The following MITF variants were observed in gnomAD, a reference collection of about 807,000 sequenced individuals.
MITF encodes microphthalmia-associated transcription factor.
A neutral mutation model predicts 60.5 loss-of-function variants in MITF; 17 were observed. That is an observed-to-expected ratio of 0.28 (90% CI 0.19 to 0.42). The LOEUF (loss-of-function observed/expected upper bound fraction) is 0.42, where lower values mean the gene tolerates loss of function less well. Ranked by LOEUF, MITF falls within the 10% of genes least tolerant of loss-of-function variation. MITF has a pLI of 1.00. For missense variants in MITF, 622 were observed against 683.5 expected (o/e 0.91, Z 1.00); for synonymous variants, 260 against 248.5 (o/e 1.05, Z -0.43).
chr3:69,802,364 A>G (rs1369555053), intron 1 of MITF, among the ~76,000 whole-genome samples: 1 of 152,218 alleles, frequency 6.6e-6, no homozygotes, highest in African/African-American at 2.4e-5. Flanking sequence ...AAGGAGCAGA[A>G]TTCGAATTCT....
At chr3:69,771,708 C>T (rs2062396923) in intron 1 of MITF, among the ~76,000 whole-genome samples, 1 of 152,040 alleles carries the variant, frequency 6.6e-6, no homozygotes, top group African/African-American at 2.4e-5. Flanking sequence ...TGAAATACTT[C>T]CATGTGAAAT....
chr3:69,951,311 C>T (rs761349446), intron 6 of MITF, among the ~76,000 whole-genome samples: 71 of 151,942 alleles, frequency 4.7e-4, no homozygotes, highest in Non-Finnish European at 9.0e-4. Flanking sequence ...AACTCCTGGG[C>T]TCAAGTGATC....
At chr3:69,861,466 T>C (rs570913621) in intron 1 of MITF, among the ~76,000 whole-genome samples, 73 of 152,290 alleles carry the variant, frequency 4.8e-4, no homozygotes, top group African/African-American at 1.6e-3. Context: ...GTTTCTTCTT[T>C]AGGAAGGATG....
chr3:69,762,065 G>A (rs1442269460), intron 1 of MITF, among the ~76,000 whole-genome samples: 1 of 152,042 alleles, frequency 6.6e-6, no homozygotes, highest in African/African-American at 2.4e-5. Context: ...TTTATCTTTG[G>A]CATGCCAGAG....
At chr3:69,934,152 T>C (rs2065781639) in intron 2 of MITF, among the ~76,000 whole-genome samples, 1 of 152,130 alleles carries the variant, frequency 6.6e-6, no homozygotes, top group Admixed American at 6.6e-5. Context: ...GTTCTCAAAG[T>C]GTGATCAGAG....
intron 2 of MITF, chr3:69,937,165 A>G (rs2065857910): frequency 5.7e-6 from 1 of 174,756 alleles, no homozygotes; most frequent in South Asian, 1.4e-4. Context: ...CTTTTAAAAC[A>G]CATACGTGTA....
chr3:69,900,116 G>A (rs1003790018), intron 2 of MITF, among the ~76,000 whole-genome samples: 2 of 152,060 alleles, frequency 1.3e-5, no homozygotes, highest in African/African-American at 4.8e-5. Context: ...GGGAGGGGTG[G>A]GGAAATAATA....
chr3:69,818,373 T>C (rs2063214524), intron 1 of MITF, among the ~76,000 whole-genome samples: 1 of 152,228 alleles, frequency 6.6e-6, no homozygotes. Context: ...TGATTTCCCC[T>C]TTCCTCTTTA....
intron 1 of MITF, among the ~76,000 whole-genome samples, chr3:69,786,192 A>G (rs1369566886): frequency 1.3e-5 from 2 of 152,198 alleles, no homozygotes; most frequent in African/African-American, 2.4e-5. Context: ...GGTAGTTTCC[A>G]AAGTAAATGA....
chr3:69,823,854 G>A (rs1228735129), intron 1 of MITF, among the ~76,000 whole-genome samples: 1 of 152,144 alleles, frequency 6.6e-6, no homozygotes, highest in Non-Finnish European at 1.5e-5. Flanking sequence ...GGTAGCCTAT[G>A]ATTTCTTTTG....
intron 7 of MITF, among the ~76,000 whole-genome samples, chr3:69,953,039 T>C (rs2066295140): frequency 6.6e-6 from 1 of 152,140 alleles, no homozygotes; most frequent in African/African-American, 2.4e-5. Flanking sequence ...TTCTCTAGGT[T>C]AGAAACCGAA....
chr3:69,848,141 A>G (rs2063763429), intron 1 of MITF, among the ~76,000 whole-genome samples: 1 of 152,254 alleles, frequency 6.6e-6, no homozygotes, highest in South Asian at 2.1e-4. Flanking sequence ...TTATAACAGC[A>G]GTCTGTTGGG....
chr3:69,855,968 C>T (rs903531606), intron 1 of MITF, among the ~76,000 whole-genome samples: 2 of 152,152 alleles, frequency 1.3e-5, no homozygotes, highest in Non-Finnish European at 2.9e-5. Flanking sequence ...CCTACTTGGC[C>T]AGCTTCCCAC....
In MITF at chr3:69,841,079, T is replaced by C. The variant is rs116959342; in HGVS notation, c.105-38055T>C. 1.8e-4 allele frequency among the ~76,000 whole-genome samples: 28 copies of C among 152,284 alleles called. No individual in the cohort carries two copies. The East Asian group carries it at 5.4e-3, about 29-fold the overall frequency. On this transcript the variant is annotated intron_variant, in intron 1 of 9. Transcript: ENST00000352241. ...CCTCTAAACTGCTTTTTACTCCTAG[T>C]TGTGTGTTGCCAGTTCAGAAACTTA...
intron 1 of MITF, among the ~76,000 whole-genome samples, chr3:69,815,036 G>A (rs2063159154): frequency 6.6e-6 from 1 of 152,116 alleles, no homozygotes; most frequent in African/African-American, 2.4e-5. Flanking sequence ...GGGGCCTCAG[G>A]TTTATAAAAA....
chr3:69,962,912 CA>C (rs1197493460), intron 9 of MITF, among the ~76,000 whole-genome samples: 1 of 152,076 alleles, frequency 6.6e-6, no homozygotes, highest in Non-Finnish European at 1.5e-5. Flanking sequence ...AGTTGTTGTC[CA>C]AGATCAAGTT....
chr3:69,771,016 G>A lies in MITF; in HGVS notation c.104+31315G>A, dbSNP rs144999005. On this transcript the variant is annotated intron_variant, in intron 1 of 9. Coordinates refer to ENST00000352241, the MANE Select transcript of MITF (RefSeq NM_001354604.2). ...TGACAAAAATATATACAGCACCACC[G>A]TAACTGACAGCAACCGCTTCTCTCA... 5.0e-3 allele frequency among the ~76,000 whole-genome samples: 760 copies of A among 152,270 alleles called. 3 individuals carry two copies. Among genetic ancestry groups the A allele is most frequent in the Admixed American group, 8.1e-3 (124 of 15,294 alleles).
rs780721280 is a variant in MITF, at chr3:69,959,352, G to T, written c.1111G>T (p.Ala371Ser). The part of the protein sequence containing the change: ...IRKLQREQQR[A>S]KELENRQKKL... ...AAAGTTGCAACGAGAACAGCAACGCGCAAAAGAACTTGAAAACCGACAGAA... is the reference window on the plus strand; with the variant it reads ...AAAGTTGCAACGAGAACAGCAACGCTCAAAAGAACTTGAAAACCGACAGAA... The change falls in exon 9 of 10, where the codon GCA becomes TCA. Residue 371 changes from alanine (A) to serine (S), a missense_variant. By Grantham distance (99) the Ala-to-Ser change is moderately conservative (BLOSUM62 1). Around this residue, in one of 5 missense-constraint regions of MITF, gnomAD observed 224 missense variants for 209.5 expected, o/e 1.07. Transcript: ENST00000352241. 1.9e-6 allele frequency: 3 copies of T among 1,613,950 alleles called. No homozygotes were observed. The highest frequency in any genetic ancestry group is 1.7e-6 in the Non-Finnish European group (2 of 1,179,934).
intron 1 of MITF, among the ~76,000 whole-genome samples, chr3:69,791,842 G>A (rs543327162): frequency 1.3e-5 from 2 of 152,306 alleles, no homozygotes; most frequent in South Asian, 4.1e-4. Flanking sequence ...TTCATGCTGG[G>A]TCTATTTCAT....
Sources: allele counts gnomAD v4.1 joint callset (sites outside exome capture counted in the v4.1 genomes callset), GRCh38; gene constraint gnomAD v4.1.1; regional missense constraint gnomAD v4.1.1; transcripts MANE v1.5; gene names NCBI Gene and HGNC (gene_info 2026-07-23, HGNC 2026-07-21).